The following LY75 variants were observed in gnomAD, a reference collection of about 807,000 sequenced individuals.
LY75 encodes the protein C-type lectin domain family 13 member B.
A neutral mutation model predicts 231.7 loss-of-function variants in LY75; 185 were observed. The observed-to-expected ratio is 0.80, with a 90% CI of 0.71 to 0.90. The LOEUF (loss-of-function observed/expected upper bound fraction) is 0.90, where lower values mean the gene tolerates loss of function less well. Among genes scored for constraint, LY75 ranks in the 40% least tolerant of loss-of-function variants. The pLI is 0.00. For missense variants in LY75, 1,947 were observed against 2,050.2 expected (o/e 0.95, Z 0.97); for synonymous variants, 668 against 689.0 (o/e 0.97, Z 0.48).
At chr2:159,878,189 G>T (rs1401259735) in intron 11 of LY75, 135 bp downstream of exon 11, 11 of 1,207,718 alleles carry the variant, frequency 9.1e-6, no homozygotes, top group Non-Finnish European at 1.3e-5. Context: ...TCTATTTATG[G>T]TTCCATAGAT....
At chr2:159,885,668 T>C (rs965791837) in intron 5 of LY75, among the ~76,000 whole-genome samples, 1 of 152,218 alleles carries the variant, frequency 6.6e-6, no homozygotes, top group Non-Finnish European at 1.5e-5. Flanking sequence ...AAGATTAAAT[T>C]ATCTTTAAAT....
intron 29 of LY75, among the ~76,000 whole-genome samples, chr2:159,818,125 G>T (rs924040112): frequency 6.6e-6 from 1 of 152,030 alleles, no homozygotes; most frequent in Non-Finnish European, 1.5e-5. Context: ...CTGTGCAGAA[G>T]AATTTCAAGT....
At position 159,804,962 on chromosome 2, in the gene LY75, G is replaced by A. The variant is rs1022681041; in HGVS notation, c.*82C>T. 9.2e-7 allele frequency: 1 copy of A among 1,083,564 alleles called. No individual in the cohort carries two copies. The highest frequency in any genetic ancestry group is 1.4e-6 in the Non-Finnish European group (1 of 732,526). The allele number at this position is 1,083,564 out of a possible 1,614,324, so 67.1% of individuals were successfully genotyped here. A position where few individuals can be genotyped will look rare whatever the true frequency, so the allele number is the denominator to read the frequency against. On this transcript the variant is annotated 3_prime_UTR_variant, in exon 35 of 35. Coordinates refer to ENST00000263636, the MANE Select transcript of LY75 (RefSeq NM_002349.4). ...TATTTAAGAGTTCTACTTTGGAGCA[G>A]AGTAAATACTGACACTGGGACATTT...
At chr2:159,869,307 A>G (rs1684943239) in intron 13 of LY75, among the ~76,000 whole-genome samples, 1 of 152,062 alleles carries the variant, frequency 6.6e-6, no homozygotes, top group African/African-American at 2.4e-5. Context: ...ATAATAAAAA[A>G]AAAAAAGAAA....
intron 34 of LY75, 81 bp downstream of exon 34, chr2:159,806,892 G>T: frequency 6.7e-7 from 1 of 1,483,200 alleles, no homozygotes; most frequent in Non-Finnish European, 9.0e-7. Context: ...ACTAAATACA[G>T]AATTTTGTAC....
intron 3 of LY75, among the ~76,000 whole-genome samples, chr2:159,893,514 C>T (rs1377660054): frequency 6.6e-6 from 1 of 152,192 alleles, no homozygotes; most frequent in Non-Finnish European, 1.5e-5. Flanking sequence ...CCAACTGTCT[C>T]TTCTTCTGCT....
At chr2:159,839,283 A>G (rs563243452) in intron 25 of LY75, among the ~76,000 whole-genome samples, 1 of 152,244 alleles carries the variant, frequency 6.6e-6, no homozygotes, top group East Asian at 1.9e-4. Flanking sequence ...ACTTTGGGAT[A>G]TACCATGGCT....
intron 7 of LY75, 49 bp downstream of exon 7, chr2:159,882,075 A>T (rs1488516530): frequency 6.4e-7 from 1 of 1,558,362 alleles, no homozygotes; most frequent in South Asian, 1.2e-5. Context: ...AACCAGGGAT[A>T]CTTTAAAATG....
intron 1 of LY75, among the ~76,000 whole-genome samples, chr2:159,901,181 C>G (rs1010366350): frequency 2.0e-5 from 3 of 152,068 alleles, no homozygotes; most frequent in African/African-American, 7.2e-5. Context: ...CTGCCATTTT[C>G]TACTTGATGG....
chr2:159,875,752 A>C lies in LY75; in HGVS notation c.1775-109T>G, dbSNP rs1685248115. On this transcript the variant is annotated intron_variant, in intron 11 of 34. Transcript: ENST00000263636. Reference sequence around the variant, plus strand: ...CAAGTTGGGGAGAGAGAATAAAAAAAAAATGGAACAAAGAGAGGAAAGAAA... The same window carrying C: ...CAAGTTGGGGAGAGAGAATAAAAAACAAATGGAACAAAGAGAGGAAAGAAA... The C allele has an allele frequency of 5.3e-6, 7 of 1,322,358 alleles. No homozygotes were observed. In the Admixed American group the frequency reaches 1.5e-4, roughly 28 times the overall value. 81.9% of individuals were successfully genotyped at this position (1,322,358 alleles called of 1,614,324 possible). A position where few individuals can be genotyped will look rare whatever the true frequency, so the allele number is the denominator to read the frequency against.
At chr2:159,830,385 T>C (rs913007332) in intron 28 of LY75, among the ~76,000 whole-genome samples, 5 of 152,168 alleles carry the variant, frequency 3.3e-5, no homozygotes, top group African/African-American at 7.2e-5. Context: ...AAGGTTTTCC[T>C]AATTCCAAAA....
chr2:159,872,379 A>G, intron 13 of LY75, 72 bp downstream of exon 13: 1 of 1,556,474 alleles, frequency 6.4e-7, no homozygotes, highest in East Asian at 2.3e-5. Flanking sequence ...GAGTGAGGGT[A>G]AGAACATGTC....
chr2:159,817,096 G>C, intron 29 of LY75, 64 bp from the exon 30 acceptor site: 1 of 1,435,722 alleles, frequency 7.0e-7, no homozygotes, highest in Non-Finnish European at 9.2e-7. Context: ...TTTTGGATGA[G>C]ACAACATGCA....
rs755548451 is a variant in LY75, at chr2:159,842,341, G to A, written c.3184C>T (p.Leu1062=). ...FEEESRYHCA[L]ILNLQKSPFT... ...GGTGATTTTTGGAGGTTGAGTATTA[G>A]GGCACAGTGGTAGCGAGACTCTTCC... The change falls in exon 24 of 35, where the codon CTA becomes TTA. Residue 1062 remains leucine (L), a synonymous_variant. Coordinates refer to ENST00000263636, the MANE Select transcript of LY75 (RefSeq NM_002349.4). 3.7e-6 allele frequency: 6 copies of A among 1,612,160 alleles called. No homozygotes were observed. Among genetic ancestry groups the A allele is most frequent in the South Asian group, 2.2e-5 (2 of 91,040 alleles).
At chr2:159,874,737 G>A (rs184006769) in intron 12 of LY75, among the ~76,000 whole-genome samples, 2 of 1,842 alleles carry the variant, frequency 1.1e-3, no homozygotes, top group Non-Finnish European at 1.5e-3. Context: ...GTAAATATAT[G>A]TAAATATATA....
rs1005512183 is a variant in LY75, at chr2:159,808,319, G to A, written c.4822+130C>T. 5.3e-6 allele frequency: 8 copies of A among 1,499,056 alleles called. No homozygotes were observed. In the African/African-American group the frequency reaches 7.1e-5, roughly 13 times the overall value. The allele number at this position is 1,499,056 out of a possible 1,614,324, so 92.9% of individuals were successfully genotyped here. A position where few individuals can be genotyped will look rare whatever the true frequency, so the allele number is the denominator to read the frequency against. The stretch of plus-strand genomic sequence containing the variant: ...TTTATAACCATCCAGAACAGCCAGC[G>A]ACCTAGCTTATTTATCCAGAAGAGG... On this transcript the variant is annotated intron_variant, in intron 33 of 34. Coordinates refer to ENST00000263636, the MANE Select transcript of LY75 (RefSeq NM_002349.4).
rs1334241950 is a variant in LY75, at chr2:159,895,721, C to T, written c.467-1637G>A. On this transcript the variant is annotated intron_variant, in intron 2 of 34. Transcript: ENST00000263636. Reference sequence around the variant, plus strand: ...GGACAACTTGTGACATCAGCGGGTGCCTTCTCAAGTTTCAAGTTAAATTTC... The same window carrying T: ...GGACAACTTGTGACATCAGCGGGTGTCTTCTCAAGTTTCAAGTTAAATTTC... Among the ~76,000 whole-genome samples, 3 of 152,132 alleles carry T rather than the reference C, an allele frequency of 2.0e-5. No homozygotes were observed. In the East Asian group the frequency reaches 5.8e-4, roughly 29 times the overall value.
At chr2:159,866,885 C>T (rs1684872018) in intron 13 of LY75, among the ~76,000 whole-genome samples, 1 of 152,112 alleles carries the variant, frequency 6.6e-6, no homozygotes, top group Non-Finnish European at 1.5e-5. Context: ...GATCATTTGT[C>T]ACCTGCATTG....
rs1259194032 is a variant in LY75 at position 159,874,681 on chromosome 2, A to T, written c.1974+763T>A. On this transcript the variant is annotated intron_variant, in intron 12 of 34. Coordinates refer to ENST00000263636, the MANE Select transcript of LY75 (RefSeq NM_002349.4). Reference sequence around the variant, plus strand: ...AAATATATATATATTTTGTAAATATATGTAAATATATATATTTTGTAAATA... The same window carrying T: ...AAATATATATATATTTTGTAAATATTTGTAAATATATATATTTTGTAAATA... 3.5e-3 allele frequency among the ~76,000 whole-genome samples: 44 copies of T among 12,542 alleles called. 1 individual carries two copies. The highest frequency in any genetic ancestry group is 0.014 in the African/African-American group (38 of 2,756). 8.2% of individuals were successfully genotyped at this position (12,542 alleles called of 152,430 possible).
Sources: gnomAD v4.1 joint callset for allele counts (sites outside exome capture counted in the v4.1 genomes callset) on GRCh38, gnomAD v4.1.1 for gene constraint, MANE v1.5 for transcripts, NCBI Gene and HGNC (gene_info 2026-07-23, HGNC 2026-07-21) for gene names.